Variants in PLSCR2 observed in about 807,000 individuals in gnomAD.
The protein encoded by PLSCR2 is PL scramblase 2.
PLSCR2 carries 18 observed loss-of-function variants against 25.3 expected under a neutral mutation model. The observed-to-expected ratio is 0.71, with a 90% CI of 0.49 to 1.06. The LOEUF (loss-of-function observed/expected upper bound fraction) is 1.06, where lower values mean the gene tolerates loss of function less well. Ranked by LOEUF, PLSCR2 falls within the 50% of genes least tolerant of loss-of-function variation. The probability of loss-of-function intolerance (pLI) is 0.00; values close to 1 mark genes in which losing one functional copy is unlikely to be tolerated. For missense variants in PLSCR2, 243 were observed against 269.5 expected (o/e 0.90, Z 0.69); for synonymous variants, 88 against 87.3 (o/e 1.01, Z -0.04).
intron 1 of PLSCR2, among the ~76,000 whole-genome samples, chr3:146,490,110 C>T (rs1269945207): frequency 6.6e-6 from 1 of 152,042 alleles, no homozygotes; most frequent in African/African-American, 2.4e-5. Context: ...GTCAAAATTT[C>T]TCTCTTACTG....
exon 4 of PLSCR2, chr3:146,455,381 T>A: frequency 6.2e-7 from 1 of 1,613,654 alleles, no homozygotes; most frequent in Non-Finnish European, 8.5e-7. Flanking sequence ...GAAATTAGTA[T>A]CTTCTGCTGC....
At chr3:146,425,383 C>G (rs1203564354) in intron 2 of PLSCR2, among the ~76,000 whole-genome samples, 1 of 152,076 alleles carries the variant, frequency 6.6e-6, no homozygotes, top group Non-Finnish European at 1.5e-5. Flanking sequence ...AAAAAGGTAC[C>G]AGGACTTAAA....
At chr3:146,414,106 G>A (rs903855191) in intron 2 of PLSCR2, among the ~76,000 whole-genome samples, 1 of 152,152 alleles carries the variant, frequency 6.6e-6, no homozygotes, top group Non-Finnish European at 1.5e-5. Flanking sequence ...GGGGGAGGAA[G>A]GAGATCAGAT....
rs140953829 is a variant in PLSCR2, at chr3:146,455,363, C to T, written c.197G>A (p.Arg66Gln). ...AGGTCTAGACCGCCCACAGCAATTT[C>T]GGATACAGAAATTAGTATCTTCTGC... The change falls in exon 4 of 7, where the codon CGA (arginine) becomes CAA (glutamine). Residue 66 changes from arginine (R) to glutamine (Q), a missense_variant. Coordinates refer to ENST00000610787, the Ensembl canonical transcript of PLSCR2. The T allele has an allele frequency of 1.5e-4, 236 of 1,613,582 alleles. No homozygotes were observed. In the African/African-American group the frequency reaches 1.5e-3, roughly 10 times the overall value.
At chr3:146,393,271 AC>A (rs2038155665) in intron 3 of PLSCR2, among the ~76,000 whole-genome samples, 1 of 151,394 alleles carries the variant, frequency 6.6e-6, no homozygotes. Flanking sequence ...CTCGTGATCT[AC>A]ACGCCTCGGC....
intron 2 of PLSCR2, among the ~76,000 whole-genome samples, chr3:146,402,197 C>A (rs1014478412): frequency 6.6e-6 from 1 of 152,018 alleles, no homozygotes; most frequent in African/African-American, 2.4e-5. Flanking sequence ...TACTTATTAT[C>A]CCCTATTGAG....
intron 1 of PLSCR2, among the ~76,000 whole-genome samples, chr3:146,489,746 G>C (rs974631277): frequency 6.6e-6 from 1 of 151,902 alleles, no homozygotes; most frequent in Non-Finnish European, 1.5e-5. Flanking sequence ...CTCTCATAAG[G>C]ACCTTTGCCA....
chr3:146,433,664 A>G (rs2108137404), intron 8 of PLSCR2, 147 bp from the exon 8 acceptor site: 1 of 152,300 alleles, frequency 6.6e-6, no homozygotes, highest in Non-Finnish European at 1.5e-5. Flanking sequence ...CTAAAGCCAC[A>G]TACAAATACC....
chr3:146,440,577 G>A (rs114350796), downstream of PLSCR2, among the ~76,000 whole-genome samples: 1 of 152,198 alleles, frequency 6.6e-6, no homozygotes, highest in East Asian at 1.9e-4. Flanking sequence ...TCTGAGACAG[G>A]TGTGGGATGT....
intron 1 of PLSCR2, among the ~76,000 whole-genome samples, chr3:146,490,901 G>A (rs144823373): frequency 9.9e-5 from 15 of 152,124 alleles, no homozygotes; most frequent in Non-Finnish European, 1.3e-4. Context: ...GTTGTTAGCT[G>A]GTTATTATAT....
intron 5 of PLSCR2, among the ~76,000 whole-genome samples, chr3:146,453,656 G>A (rs1460747490): frequency 2.6e-5 from 4 of 152,128 alleles, no homozygotes; most frequent in African/African-American, 9.7e-5. Context: ...ATTAAGGAAG[G>A]ATCCATATGC....
chr3:146,493,373 A>G (rs1457392200), intron 1 of PLSCR2, among the ~76,000 whole-genome samples: 1 of 152,178 alleles, frequency 6.6e-6, no homozygotes, highest in Non-Finnish European at 1.5e-5. Context: ...TCCCTGTTGT[A>G]AAACCCCTCA....
chr3:146,420,877 A>C (rs1217011958), intron 2 of PLSCR2, among the ~76,000 whole-genome samples: 1 of 152,092 alleles, frequency 6.6e-6, no homozygotes, highest in Non-Finnish European at 1.5e-5. Context: ...TACATACAAA[A>C]AAGATTCGTA....
downstream of PLSCR2, among the ~76,000 whole-genome samples, chr3:146,431,808 A>C (rs1400764591): frequency 6.6e-6 from 1 of 152,054 alleles, no homozygotes; most frequent in Non-Finnish European, 1.5e-5. Context: ...GAACTGCGTA[A>C]ACACAATTCA....
chr3:146,485,871 G>A lies in PLSCR2; in HGVS notation c.-293+10024C>T, dbSNP rs113288334. ...GTCACGTCTTACATGAATGGCAGCA[G>A]GCAAAAAGAGAGCTAGTGCAGAGAA... On this transcript the variant is annotated intron_variant, in intron 1 of 8. Coordinates refer to the PLSCR2 transcript ENST00000336685. 4.7e-3 allele frequency among the ~76,000 whole-genome samples: 715 copies of A among 152,180 alleles called. 2 individuals are homozygous for A. Among genetic ancestry groups the A allele is most frequent in the Non-Finnish European group, 7.4e-3 (506 of 67,988 alleles).
intron 2 of PLSCR2, among the ~76,000 whole-genome samples, chr3:146,408,818 T>C (rs2038744099): frequency 6.6e-6 from 1 of 152,100 alleles, no homozygotes; most frequent in Admixed American, 6.5e-5. Flanking sequence ...GCTCCCTTAA[T>C]ACCCATGAGG....
chr3:146,491,150 C>T (rs2043537060), intron 1 of PLSCR2, among the ~76,000 whole-genome samples: 1 of 152,044 alleles, frequency 6.6e-6, no homozygotes, highest in African/African-American at 2.4e-5. Context: ...AATTTCTTTT[C>T]TTTAATAATG....
At chr3:146,491,783 T>A (rs2108581048) in intron 1 of PLSCR2, among the ~76,000 whole-genome samples, 1 of 152,296 alleles carries the variant, frequency 6.6e-6, no homozygotes, top group Middle Eastern at 3.4e-3. Flanking sequence ...GGTTTCAAAC[T>A]GCTTCTGTAT....
chr3:146,412,532 A>G lies in PLSCR2; in HGVS notation c.101-16611T>C, dbSNP rs74530522. Among the ~76,000 whole-genome samples the G allele has an allele frequency of 6.6e-5, 10 of 152,276 alleles. No individual in the cohort carries two copies. In the East Asian group the frequency reaches 1.7e-3, roughly 26 times the overall value. ...TGCTCGAGCCATGGTTGAGGTAGCC[A>G]AGGAGTACTTCAGTGAGGTATGGGG... On this transcript the variant is annotated intron_variant and NMD_transcript_variant, in intron 2 of 3. Coordinates refer to the PLSCR2 transcript ENST00000463633.
Sources: gnomAD v4.1 joint callset for allele counts (sites outside exome capture counted in the v4.1 genomes callset) on GRCh38, gnomAD v4.1.1 for gene constraint, MANE v1.5 for transcripts, NCBI Gene and HGNC (gene_info 2026-07-23, HGNC 2026-07-21) for gene names.